GON4L: variants seen among roughly 807,000 people sequenced by gnomAD.
GON4L encodes the protein gon-4 like.
Under a neutral mutation model 211.8 loss-of-function variants are expected in GON4L, and 87 were observed. The ratio of observed to expected loss-of-function variants is 0.41; its 90% confidence interval spans 0.35 to 0.49. The LOEUF (loss-of-function observed/expected upper bound fraction) is 0.49, where lower values mean the gene tolerates loss of function less well. GON4L is among the 20% of genes least tolerant of loss of function. The pLI, the probability that GON4L is intolerant of heterozygous loss-of-function variation, is 0.15. For synonymous variants in GON4L, 875 were observed against 962.6 expected (o/e 0.91, Z 1.68); for missense variants, 2,155 against 2,659.5 (o/e 0.81, Z 4.17).
At chr1:155,745,512 C>G (rs1173954336), downstream of GON4L, among the ~76,000 whole-genome samples, 1 of 152,232 alleles carries the variant, frequency 6.6e-6, no homozygotes, top group African/African-American at 2.4e-5. Context: ...AAGTACGAGG[C>G]AGAGCCTTCC....
intron 10 of GON4L, among the ~76,000 whole-genome samples, chr1:155,810,056 C>T (rs937787813): frequency 2.0e-5 from 3 of 147,750 alleles, no homozygotes; most frequent in Non-Finnish European, 3.0e-5. Context: ...AGTGCACTGG[C>T]GCCATCTCGG....
Position 155,785,327 on chromosome 1 carries a change from T to C in GON4L, c.1788+7A>G. 6.4e-7 allele frequency: 1 copy of C among 1,560,032 alleles called. No homozygotes were observed. The highest frequency in any genetic ancestry group is 8.8e-7 in the Non-Finnish European group (1 of 1,130,480). On this transcript the variant is annotated splice_region_variant and intron_variant, in intron 13 of 31. Transcript: ENST00000368331. ...TCCCGTGTTCTCACTCGAGGATCAT[T>C]ACTCACAGTTTCAAACAGCTCTTCC...
chr1:155,812,651 G>C (rs1432375190), intron 10 of GON4L, among the ~76,000 whole-genome samples: 1 of 151,878 alleles, frequency 6.6e-6, no homozygotes, highest in Non-Finnish European at 1.5e-5. Flanking sequence ...TGCCTCCCGG[G>C]TTCAAGCGAT....
At chr1:155,771,299 C>A in intron 18 of GON4L, 82 bp from the exon 19 acceptor site, 3 of 1,583,260 alleles carry the variant, frequency 1.9e-6, no homozygotes, top group Non-Finnish European at 1.7e-6. Context: ...ATTTTACAAT[C>A]TACTCTTTCA....
chr1:155,763,315 G>A lies in GON4L; in HGVS notation c.4723C>T (p.Pro1575Ser). 6.2e-7 allele frequency: 1 copy of A among 1,613,850 alleles called. No homozygotes were observed. The highest frequency in any genetic ancestry group is 8.5e-7 in the Non-Finnish European group (1 of 1,179,768). The change falls in exon 22 of 32, where the codon CCA becomes TCA. Residue 1575 changes from proline (P) to serine (S), a missense_variant. This residue lies in a region of GON4L where 455 missense variants were observed against 504.6 expected (regional missense o/e 0.90). Coordinates refer to ENST00000368331, the MANE Select transcript of GON4L (RefSeq NM_001282860.2). Reference sequence around the variant, plus strand: ...AGTATAGGTTTGCCTAGCTCACCTGGTGGAGTTCTGCTGGTCTCCACTTCT... The same window carrying A: ...AGTATAGGTTTGCCTAGCTCACCTGATGGAGTTCTGCTGGTCTCCACTTCT... ...APEVETSRTPPGESIKAAGKG... is the reference protein window; with the variant it reads ...APEVETSRTPSGESIKAAGKG...
intron 11 of GON4L, among the ~76,000 whole-genome samples, chr1:155,801,279 G>A (rs1023181117): frequency 2.6e-5 from 4 of 151,766 alleles, no homozygotes; most frequent in Non-Finnish European, 5.9e-5. Context: ...TTTTTTCTGG[G>A]GGAAGGCTGC....
At chr1:155,751,647 C>A in intron 31 of GON4L, 120 bp downstream of exon 31, 1 of 705,544 alleles carries the variant, frequency 1.4e-6, no homozygotes, top group Middle Eastern at 2.4e-4. Flanking sequence ...TTCCTTAGAT[C>A]AAACCTTTAC....
chr1:155,835,570 C>T (rs1340251301), intron 2 of GON4L, among the ~76,000 whole-genome samples: 3 of 152,228 alleles, frequency 2.0e-5, no homozygotes, highest in South Asian at 2.1e-4. Context: ...TTGGCCACCC[C>T]CTAGGTGCTC....
Position 155,749,882 on chromosome 1 carries a change from A to C in GON4L, c.*702T>G, listed in dbSNP as rs1377556880. On this transcript the variant is annotated 3_prime_UTR_variant, in exon 32 of 32. Coordinates refer to ENST00000368331, the MANE Select transcript of GON4L (RefSeq NM_001282860.2). ...AGTTTGGCGAGTCCCAGGGCAGAAT[A>C]ATCATCCATCTACAGGTCTCTGTTT... 7 of 1,601,440 alleles carry C rather than the reference A, an allele frequency of 4.4e-6. No homozygotes were observed. Among genetic ancestry groups the C allele is most frequent in the Non-Finnish European group, 6.0e-6 (7 of 1,172,894 alleles).
Position 155,822,849 on chromosome 1 carries a change from G to A in GON4L, c.698-373C>T, listed in dbSNP as rs138719546. ...CGCTCTTTGTTGCCCAGGCTGGAGTGCAATGGTGCAATCTCGGCTCAGCGC... is the reference window on the plus strand; with the variant it reads ...CGCTCTTTGTTGCCCAGGCTGGAGTACAATGGTGCAATCTCGGCTCAGCGC... On this transcript the variant is annotated intron_variant, in intron 3 of 31. Coordinates refer to ENST00000368331, the MANE Select transcript of GON4L (RefSeq NM_001282860.2). 1.6e-3 allele frequency among the ~76,000 whole-genome samples: 246 copies of A among 152,302 alleles called. 1 individual carries two copies. Among genetic ancestry groups the A allele is most frequent in the African/African-American group, 4.8e-3 (199 of 41,578 alleles).
At position 155,754,452 on chromosome 1, in the gene GON4L, AGGCACAGTCCTT is replaced by A; in HGVS notation, c.5542_5553del (p.Lys1848_Ala1851del). The A allele has an allele frequency of 6.2e-7, 1 of 1,611,636 alleles. No homozygotes were observed. The highest frequency in any genetic ancestry group is 8.5e-7 in the Non-Finnish European group (1 of 1,178,802). ...TCTGGACCTCCTTCATGGCAGGAGC[AGGCACAGTCCTT>A]GGCCCCATCTGGCCATTCAGTCTCC... On this transcript the variant is annotated inframe_deletion, in exon 28 of 32. Transcript: ENST00000368331.
chr1:155,795,824 G>A (rs1344064425), intron 11 of GON4L, among the ~76,000 whole-genome samples: 2 of 152,068 alleles, frequency 1.3e-5, no homozygotes, highest in African/African-American at 2.4e-5. Flanking sequence ...TTTTAGTAGA[G>A]ACAGGGTTTT....
Position 155,797,558 on chromosome 1 carries a change from C to T in GON4L, c.1646-2407G>A, listed in dbSNP as rs568555368. Among the ~76,000 whole-genome samples the T allele has an allele frequency of 1.2e-3, 188 of 151,220 alleles. 1 individual carries two copies. Among genetic ancestry groups the T allele is most frequent in the Non-Finnish European group, 2.3e-3 (153 of 67,786 alleles). Reference sequence around the variant, plus strand: ...TTTGTTATAAACAGACATATACAGCCTGGGGCCAAGCATGGTGGCTCACGC... The same window carrying T: ...TTTGTTATAAACAGACATATACAGCTTGGGGCCAAGCATGGTGGCTCACGC... On this transcript the variant is annotated intron_variant, in intron 11 of 31. Coordinates refer to ENST00000368331, the MANE Select transcript of GON4L (RefSeq NM_001282860.2).
chr1:155,783,402 C>T (rs1664616361), intron 14 of GON4L, among the ~76,000 whole-genome samples: 1 of 152,168 alleles, frequency 6.6e-6, no homozygotes, highest in Admixed American at 6.5e-5. Flanking sequence ...CTAATGACTA[C>T]ATGCTGCTAC....
At chr1:155,823,175 C>A (rs1274463069) in intron 3 of GON4L, among the ~76,000 whole-genome samples, 2 of 151,948 alleles carry the variant, frequency 1.3e-5, no homozygotes, top group South Asian at 2.1e-4. Context: ...GTGATCCACT[C>A]GCCTCAGCCT....
chr1:155,802,230 C>T (rs980133950), intron 11 of GON4L, among the ~76,000 whole-genome samples: 1 of 147,986 alleles, frequency 6.8e-6, no homozygotes, highest in Non-Finnish European at 1.5e-5. Flanking sequence ...AATGAAGTGC[C>T]AATAAATAAA....
chr1:155,752,585 A>G lies in GON4L; in HGVS notation c.5848T>C (p.Leu1950=). The G allele has an allele frequency of 1.3e-6, 2 of 1,582,280 alleles. No individual in the cohort carries two copies. Residue 1950 remains leucine, a synonymous_variant, in exon 30 of 32, where the codon TTG becomes CTG. Coordinates refer to ENST00000368331, the MANE Select transcript of GON4L (RefSeq NM_001282860.2). ...GATGGCAAAGTGCTCCCCACTGCCAATCCTGCTTAGGAGGAAAATAAGGAT... is the reference window on the plus strand; with the variant it reads ...GATGGCAAAGTGCTCCCCACTGCCAGTCCTGCTTAGGAGGAAAATAAGGAT... ...RKGEMPVSAG[L]AVGSTLPSPR... is the part of the protein sequence containing the mutation.
chr1:155,782,049 C>T (rs986790461), intron 14 of GON4L, among the ~76,000 whole-genome samples: 10 of 152,242 alleles, frequency 6.6e-5, no homozygotes, highest in Admixed American at 1.3e-4. Context: ...AGTCACCACA[C>T]GTGGCCTTGC....
At chr1:155,838,188 AG>A (rs1670478925) in intron 2 of GON4L, among the ~76,000 whole-genome samples, 2 of 152,128 alleles carry the variant, frequency 1.3e-5, no homozygotes, top group Non-Finnish European at 2.9e-5. Context: ...TGACCCCAAG[AG>A]GCGGAAGCTG....
Sources: allele counts gnomAD v4.1 joint callset (sites outside exome capture counted in the v4.1 genomes callset), GRCh38; gene constraint gnomAD v4.1.1; regional missense constraint gnomAD v4.1.1; transcripts MANE v1.5; gene names NCBI Gene and HGNC (gene_info 2026-07-23, HGNC 2026-07-21).